The following SCHIP1 variants were observed in gnomAD, a reference collection of about 807,000 sequenced individuals.
SCHIP1 encodes schwannomin interacting protein 1.
Under a neutral mutation model 29.7 loss-of-function variants are expected in SCHIP1, and 8 were observed. That is an observed-to-expected ratio of 0.27 (90% CI 0.16 to 0.49). The LOEUF is 0.49. Ranked by LOEUF, SCHIP1 falls within the 20% of genes least tolerant of loss-of-function variation. The probability of loss-of-function intolerance (pLI) is 0.99; values close to 1 mark genes in which losing one functional copy is unlikely to be tolerated. For synonymous variants in SCHIP1, 76 were observed against 94.9 expected (o/e 0.80, Z 1.16); for missense variants, 193 against 294.6 (o/e 0.66, Z 2.52).
At chr3:159,364,587 C>T in the SCHIP1 span, among the ~76,000 whole-genome samples, 1 of 152,110 alleles carries the variant, frequency 6.6e-6, no homozygotes, top group African/African-American at 2.4e-5. Context: ...GTGGCTACCC[C>T]AGAGGCACAA....
the SCHIP1 span, among the ~76,000 whole-genome samples, chr3:159,825,031 G>A: frequency 6.6e-6 from 1 of 152,000 alleles, no homozygotes. Flanking sequence ...AAAACTAATT[G>A]TGATACTTTA....
the SCHIP1 span, among the ~76,000 whole-genome samples, chr3:159,583,471 C>T: frequency 1.3e-5 from 2 of 152,144 alleles, no homozygotes; most frequent in African/African-American, 2.4e-5. Context: ...GGAGAATATC[C>T]GCTAAACATT....
chr3:159,508,067 G>A, the SCHIP1 span, among the ~76,000 whole-genome samples: 1 of 152,104 alleles, frequency 6.6e-6, no homozygotes, highest in Non-Finnish European at 1.5e-5. Context: ...TGTACCTCTG[G>A]TAGAATTCGG....
chr3:159,850,895 G>A (rs1340270401), intron 1 of SCHIP1, among the ~76,000 whole-genome samples: 2 of 152,124 alleles, frequency 1.3e-5, no homozygotes, highest in African/African-American at 2.4e-5. Context: ...GATTACAATC[G>A]AACATGAGAT....
At chr3:159,867,634 A>G (rs1560089463) in intron 2 of SCHIP1, among the ~76,000 whole-genome samples, 1 of 151,976 alleles carries the variant, frequency 6.6e-6, no homozygotes, top group Non-Finnish European at 1.5e-5. Flanking sequence ...TCCCTCCAGA[A>G]CTGGATGGTC....
At chr3:159,320,345 CAGA>C in the SCHIP1 span, among the ~76,000 whole-genome samples, 1 of 152,160 alleles carries the variant, frequency 6.6e-6, no homozygotes, top group Non-Finnish European at 1.5e-5. Flanking sequence ...GTCTGTAGCC[CAGA>C]AGAAGGCCCT....
At chr3:159,523,797 G>A in the SCHIP1 span, among the ~76,000 whole-genome samples, 4,231 of 152,240 alleles carry the variant, frequency 0.028, 216 homozygotes, top group African/African-American at 0.098. Flanking sequence ...AGTTGCTTGC[G>A]CACTTAGGAG....
chr3:159,808,985 CTTTTT>C, the SCHIP1 span, among the ~76,000 whole-genome samples: 1 of 138,194 alleles, frequency 7.2e-6, no homozygotes, highest in Non-Finnish European at 1.6e-5. Context: ...TTTTTTCTTT[CTTTTT>C]TTTTTTTTTA....
chr3:159,333,096 A>T, the SCHIP1 span, among the ~76,000 whole-genome samples: 1 of 152,230 alleles, frequency 6.6e-6, no homozygotes, highest in Non-Finnish European at 1.5e-5. Flanking sequence ...AATTATAAGG[A>T]AACAATTTCC....
At chr3:159,595,069 T>G in the SCHIP1 span, among the ~76,000 whole-genome samples, 1 of 152,310 alleles carries the variant, frequency 6.6e-6, no homozygotes, top group Non-Finnish European at 1.5e-5. Flanking sequence ...AATTAGTCAC[T>G]GACTGAGGCA....
the SCHIP1 span, among the ~76,000 whole-genome samples, chr3:159,393,813 A>G: frequency 6.6e-6 from 1 of 151,938 alleles, no homozygotes; most frequent in Admixed American, 6.6e-5. Context: ...TTTTGGTTCC[A>G]TATGAACTTT....
At chr3:159,764,424 C>T in the SCHIP1 span, 6 of 1,567,552 alleles carry the variant, frequency 3.8e-6, no homozygotes, top group Admixed American at 1.8e-5. This position sits in a 1 kb window ranked among gnomAD's most constrained non-coding sequence, Gnocchi z 6.1. Context: ...GCAGCTCACT[C>T]TCTACCTCCT....
the SCHIP1 span, among the ~76,000 whole-genome samples, chr3:159,422,702 T>A: frequency 6.6e-6 from 1 of 152,262 alleles, no homozygotes; most frequent in East Asian, 1.9e-4. Flanking sequence ...CATACCTATG[T>A]ACTCTTTTGT....
chr3:159,513,986 T>G, the SCHIP1 span, among the ~76,000 whole-genome samples: 6 of 152,206 alleles, frequency 3.9e-5, no homozygotes, highest in Non-Finnish European at 7.3e-5. Context: ...AAAAACAAAT[T>G]AGGCTATCTT....
the SCHIP1 span, chr3:159,768,422 C>G: frequency 6.6e-6 from 1 of 152,218 alleles, no homozygotes; most frequent in Non-Finnish European, 1.5e-5. Flanking sequence ...ATCCAGTGCT[C>G]TTTCCTTCCT....
chr3:159,335,206 TC>T, the SCHIP1 span, among the ~76,000 whole-genome samples: 2 of 152,140 alleles, frequency 1.3e-5, no homozygotes, highest in Admixed American at 6.6e-5. Flanking sequence ...CTTGGGGCAC[TC>T]TGAAAACTGC....
chr3:159,638,189 A>G, the SCHIP1 span, among the ~76,000 whole-genome samples: 4 of 152,062 alleles, frequency 2.6e-5, 1 homozygote, highest in Non-Finnish European at 4.4e-5. Context: ...ATACACCTAC[A>G]TGATTTCCGT....
At chr3:159,724,753 A>C in the SCHIP1 span, among the ~76,000 whole-genome samples, 7 of 152,204 alleles carry the variant, frequency 4.6e-5, no homozygotes, top group Non-Finnish European at 1.0e-4. Context: ...GTGGTTGCTA[A>C]ATCTTTGCCT....
At chr3:159,662,138 C>T in the SCHIP1 span, among the ~76,000 whole-genome samples, 88 of 152,252 alleles carry the variant, frequency 5.8e-4, 1 homozygote, top group East Asian at 4.6e-3. Context: ...AAACTGCTCA[C>T]GCTGCCACTC....
Sources: gnomAD v4.1 joint callset for allele counts (sites outside exome capture counted in the v4.1 genomes callset) on GRCh38, gnomAD v4.1.1 for gene constraint, Gnocchi (gnomAD v3.1) non-coding constraint, MANE v1.5 for transcripts, NCBI Gene and HGNC (gene_info 2026-07-23, HGNC 2026-07-21) for gene names.